Variants in RORA observed in about 807,000 individuals in gnomAD.
RORA encodes RAR related orphan receptor A, also known as nuclear receptor ROR-alpha.
Under a neutral mutation model 69.5 loss-of-function variants are expected in RORA, and 7 were observed. That is an observed-to-expected ratio of 0.10 (90% confidence interval 0.06 to 0.19). The LOEUF (loss-of-function observed/expected upper bound fraction) is 0.19. Among genes scored for constraint, RORA ranks in the 10% least tolerant of loss-of-function variants. The pLI is 1.00. For missense variants in RORA, 457 were observed against 663.0 expected, an observed-to-expected ratio of 0.69 and a Z score of 3.41; for synonymous variants, 261 against 240.8, an observed-to-expected ratio of 1.08 and a Z score of -0.78.
At position 60,730,382 on chromosome 15, in the gene RORA, C is replaced by T. The variant is rs574356560; in HGVS notation, c.167-51696G>A. 2.1e-4 allele frequency among the ~76,000 whole-genome samples: 32 copies of T among 152,308 alleles called. 1 individual carries two copies. The highest frequency in any genetic ancestry group is 7.5e-4 in the African/African-American group (31 of 41,570). On this transcript the variant is annotated intron_variant, in intron 1 of 10. Coordinates refer to ENST00000335670, the MANE Select transcript of RORA (RefSeq NM_134261.3). The stretch of plus-strand genomic sequence containing the variant: ...GCCAAATGGTCTTAACCTTTCATAG[C>T]CTGATTTCTTTTGTGGTTGTCTTAT...
intron 2 of RORA, among the ~76,000 whole-genome samples, chr15:60,648,684 T>C (rs2070094823): frequency 6.6e-6 from 1 of 152,222 alleles, no homozygotes; most frequent in South Asian, 2.1e-4. Context: ...AGAGAACTTA[T>C]GACTAATATA....
At chr15:60,889,778 T>C (rs1431811080) in intron 1 of RORA, among the ~76,000 whole-genome samples, 1 of 152,232 alleles carries the variant, frequency 6.6e-6, no homozygotes, top group Non-Finnish European at 1.5e-5. Flanking sequence ...CTTTGCCCAT[T>C]AGCAGAGTTA....
At position 60,495,468 on chromosome 15, in the gene RORA, T is replaced by G. The variant is rs375932887; in HGVS notation, c.*1987A>C. On this transcript the variant is annotated 3_prime_UTR_variant, in exon 11 of 11. Transcript: ENST00000335670. ...GGCTTCATACACACATCTGTGTGAA[T>G]AATACCTTCCCCTTTTCCAAGTCCC... 1 of 152,366 alleles carries G rather than the reference T, an allele frequency of 6.6e-6. No individual in the cohort carries two copies. The highest frequency in any genetic ancestry group is 2.1e-4 in the South Asian group (1 of 4,832). 9.4% of individuals were successfully genotyped at this position (152,366 alleles called of 1,614,324 possible).
chr15:60,890,769 T>C (rs1049772325), intron 1 of RORA, among the ~76,000 whole-genome samples: 1 of 152,254 alleles, frequency 6.6e-6, no homozygotes, highest in African/African-American at 2.4e-5. Flanking sequence ...TTAACTTTTT[T>C]AGAAGTACTT....
intron 1 of RORA, among the ~76,000 whole-genome samples, chr15:61,133,544 G>C (rs1028028519): frequency 6.6e-6 from 1 of 152,146 alleles, no homozygotes; most frequent in African/African-American, 2.4e-5. Flanking sequence ...AATGAGGTCC[G>C]CTGACTCTAA....
intron 1 of RORA, among the ~76,000 whole-genome samples, chr15:60,857,622 C>T (rs2073394765): frequency 6.6e-6 from 1 of 152,136 alleles, no homozygotes; most frequent in African/African-American, 2.4e-5. Flanking sequence ...AAGCAGAAGG[C>T]CTACCTGGCT....
chr15:61,209,237 G>C (rs765877694), intron 1 of RORA, among the ~76,000 whole-genome samples: 4 of 149,260 alleles, frequency 2.7e-5, no homozygotes, highest in Admixed American at 6.7e-5. Flanking sequence ...ATCCAATTAT[G>C]CACAATATGA....
intron 1 of RORA, among the ~76,000 whole-genome samples, chr15:60,690,364 C>T (rs1028719763): frequency 6.6e-6 from 1 of 152,300 alleles, no homozygotes; most frequent in African/African-American, 2.4e-5. Context: ...TCTGGATATC[C>T]TTTCTCTCTC....
intron 1 of RORA, among the ~76,000 whole-genome samples, chr15:60,985,611 G>T (rs1256547869): frequency 1.1e-4 from 12 of 105,184 alleles, no homozygotes; most frequent in African/African-American, 4.1e-4. Context: ...TTTGAGATGG[G>T]GTCTCACTCT....
rs988537163 is a variant in RORA at position 60,952,063 on chromosome 15, C to T, written c.167-273377G>A. On this transcript the variant is annotated intron_variant, in intron 1 of 10. Transcript: ENST00000335670. ...TCAATAAAATACTGGCAAAACGAATCCAGCAGCACATCAAAAAGCTTATCC... is the reference window on the plus strand; with the variant it reads ...TCAATAAAATACTGGCAAAACGAATTCAGCAGCACATCAAAAAGCTTATCC... Among the ~76,000 whole-genome samples, 696 of 150,956 alleles carry T rather than the reference C, an allele frequency of 4.6e-3. 12 individuals are homozygous for T. The highest frequency in any genetic ancestry group is 0.016 in the African/African-American group (658 of 41,098).
At chr15:60,632,870 AAAAAG>A (rs527638746) in intron 2 of RORA, among the ~76,000 whole-genome samples, 52 of 152,364 alleles carry the variant, frequency 3.4e-4, no homozygotes, top group African/African-American at 1.0e-3. Context: ...AGTAAAATCC[AAAAAG>A]AAAAGAAAAG....
chr15:61,003,527 G>A (rs1322025067), intron 1 of RORA, among the ~76,000 whole-genome samples: 1 of 152,168 alleles, frequency 6.6e-6, no homozygotes, highest in Non-Finnish European at 1.5e-5. Flanking sequence ...GCTGGGAGAT[G>A]CCAACTTTTG....
intron 1 of RORA, among the ~76,000 whole-genome samples, chr15:60,731,744 T>C (rs970907375): frequency 6.6e-6 from 1 of 152,220 alleles, no homozygotes; most frequent in Admixed American, 6.5e-5. Context: ...CCACTACCAG[T>C]TGACTGCTGT....
intron 3 of RORA, among the ~76,000 whole-genome samples, chr15:60,516,128 TA>T (rs2065914110): frequency 2.9e-5 from 2 of 69,804 alleles, no homozygotes; most frequent in African/African-American, 5.4e-5. Context: ...TATATTATAT[TA>T]AATATATTTA....
chr15:61,220,307 C>T (rs11637553), intron 1 of RORA, among the ~76,000 whole-genome samples: 125,241 of 152,190 alleles, frequency 0.82, 54,063 homozygotes, highest in Non-Finnish European at 0.96. Context: ...ATAATATCCC[C>T]GTCACACAAA....
At chr15:61,000,081 A>T (rs1894699578) in intron 1 of RORA, among the ~76,000 whole-genome samples, 1 of 152,200 alleles carries the variant, frequency 6.6e-6, no homozygotes, top group Non-Finnish European at 1.5e-5. Context: ...TTAAGTGTTA[A>T]CATTTCACAG....
At chr15:60,775,037 C>T (rs145860149) in intron 1 of RORA, among the ~76,000 whole-genome samples, 22 of 152,296 alleles carry the variant, frequency 1.4e-4, no homozygotes, top group African/African-American at 4.6e-4. Context: ...GCCTGAGACA[C>T]CCCACACGTC....
chr15:60,672,096 A>G (rs1422062227), intron 2 of RORA, among the ~76,000 whole-genome samples: 1 of 152,168 alleles, frequency 6.6e-6, no homozygotes, highest in African/African-American at 2.4e-5. Context: ...AAAAAAAATA[A>G]TAAAGTAAGA....
At chr15:60,722,140 T>C (rs2071301748) in intron 1 of RORA, among the ~76,000 whole-genome samples, 1 of 152,242 alleles carries the variant, frequency 6.6e-6, no homozygotes, top group African/African-American at 2.4e-5. Context: ...TGCCCTTTTC[T>C]CCCTTAACTC....
Sources: allele counts gnomAD v4.1 joint callset (sites outside exome capture counted in the v4.1 genomes callset), GRCh38; gene constraint gnomAD v4.1.1; transcripts MANE v1.5; gene names NCBI Gene and HGNC (gene_info 2026-07-23, HGNC 2026-07-21).